The following TONSL variants were observed in gnomAD, a reference collection of about 807,000 sequenced individuals.
TONSL encodes the protein tonsoku like, DNA repair protein.
TONSL carries 112 observed loss-of-function variants against 147.1 expected under a neutral mutation model. That is an observed-to-expected ratio of 0.76 (90% CI 0.65 to 0.89). The LOEUF is 0.89. Among genes scored for constraint, TONSL ranks in the 40% least tolerant of loss-of-function variants. TONSL has a pLI of 0.00. For synonymous variants in TONSL, 868 were observed against 801.5 expected (o/e 1.08, Z -1.40); for missense variants, 1,883 against 1,864.6 (o/e 1.01, Z -0.18).
At chr8:144,440,237 AG>A (rs1425028682) in intron 10 of TONSL, 27 bp from the exon 11 acceptor site, 4 of 1,572,782 alleles carry the variant, frequency 2.5e-6, no homozygotes, top group Middle Eastern at 1.7e-4. Flanking sequence ...TGCTCAGCTC[AG>A]GACTGGGGGC....
At position 144,431,073 on chromosome 8, in the gene TONSL, G is replaced by GT. The variant is rs1289540193; in HGVS notation, c.3809+4dup. The GT allele has an allele frequency of 1.2e-6, 2 of 1,614,080 alleles. No homozygotes were observed. Among genetic ancestry groups the GT allele is most frequent in the Non-Finnish European group, 8.5e-7 (1 of 1,179,954 alleles). ...GGTCAGCAGGCAGCAGGGAAAGGGC[G>GT]TTACCTGCACAGGTCTCTAACAGCC... On this transcript the variant is annotated splice_donor_region_variant and intron_variant, in intron 24 of 25. Coordinates refer to ENST00000409379, the MANE Select transcript of TONSL (RefSeq NM_013432.5).
Position 144,433,569 on chromosome 8 carries a change from G to A in TONSL, c.3559+19C>T. 1 of 1,612,064 alleles carries A rather than the reference G, an allele frequency of 6.2e-7. No individual in the cohort carries two copies. Among genetic ancestry groups the A allele is most frequent in the Non-Finnish European group, 8.5e-7 (1 of 1,179,172 alleles). Reference sequence around the variant, plus strand: ...GCCCCAGGGCTAGGGAGTGGACAGGGAGTGCCTGGTCAGCTCACCTTGGAA... The same window carrying A: ...GCCCCAGGGCTAGGGAGTGGACAGGAAGTGCCTGGTCAGCTCACCTTGGAA... On this transcript the variant is annotated intron_variant, in intron 22 of 25. Coordinates refer to ENST00000409379, the MANE Select transcript of TONSL (RefSeq NM_013432.5).
rs988529484 is a variant in TONSL, at chr8:144,438,516, G to A, written c.1608C>T (p.Ala536=). ...CGCGGCGCAGCTGGCCCTCGATGCA[G>A]GCTCGGTGCAGCAGGGTCTCCCCCA... ...NDMGETLLHR[A]CIEGQLRRVQ... The change falls in exon 13 of 26, where the codon GCC becomes GCT. Residue 536 remains alanine (A), a synonymous_variant. Coordinates refer to ENST00000409379, the MANE Select transcript of TONSL (RefSeq NM_013432.5). 9 of 1,613,030 alleles carry A rather than the reference G, an allele frequency of 5.6e-6. No homozygotes were observed. In the Admixed American group the frequency reaches 1.5e-4, roughly 27 times the overall value.
rs2129706126 is a variant in TONSL, at chr8:144,444,259, T to G, written c.42A>C (p.Lys14Asn). Residue 14 changes from lysine to asparagine, a missense_variant, in exon 2 of 26, where the codon AAA (lysine) becomes AAC (asparagine). By Grantham distance (94) the Lys-to-Asn change is moderately conservative. Coordinates refer to ENST00000409379, the MANE Select transcript of TONSL (RefSeq NM_013432.5). ...ERELRQLSKA[K>N]AKAQRAGQRR... ...GCTGCCCGGCCCTCTGCGCCTTGGCTTTCGCCTTGCTCAGCTCTGTGGGAG... is the reference window on the plus strand; with the variant it reads ...GCTGCCCGGCCCTCTGCGCCTTGGCGTTCGCCTTGCTCAGCTCTGTGGGAG... 2.1e-6 allele frequency: 3 copies of G among 1,453,736 alleles called. No individual in the cohort carries two copies. The highest frequency in any genetic ancestry group is 1.8e-6 in the Non-Finnish European group (2 of 1,104,946). The allele number at this position is 1,453,736 out of a possible 1,614,324, so 90.1% of individuals were successfully genotyped here.
Position 144,429,212 on chromosome 8 carries a change from C to T in TONSL, c.4068G>A (p.Gln1356=). ...AEDRDALRQL[Q]PSRPGPGECT... The stretch of plus-strand genomic sequence containing the variant: ...ACTCGCCGGGGCCCGGCCGACTGGG[C>T]TGCAGCTGGCGCAGGGCGTCCCTGT... Residue 1356 remains glutamine (Q), a synonymous_variant, in exon 26 of 26, where the codon CAG becomes CAA. Transcript: ENST00000409379. 6 of 1,535,402 alleles carry T rather than the reference C, an allele frequency of 3.9e-6. No individual in the cohort carries two copies. The highest frequency in any genetic ancestry group is 5.2e-6 in the Non-Finnish European group (6 of 1,144,842).
intron 24 of TONSL, 25 bp downstream of exon 24, chr8:144,431,053 G>A (rs1655673179): frequency 1.2e-6 from 2 of 1,613,432 alleles, no homozygotes; most frequent in Admixed American, 3.3e-5. Flanking sequence ...CCCCAGGTCA[G>A]CAGGCAGCAG....
intron 7 of TONSL, chr8:144,441,482 C>A: frequency 4.6e-6 from 1 of 217,050 alleles, no homozygotes. Context: ...GTCCCAGCTA[C>A]TCGGGAGGCT....
chr8:144,435,617 C>A, intron 17 of TONSL, 41 bp downstream of exon 17: 2 of 1,577,864 alleles, frequency 1.3e-6, no homozygotes, highest in East Asian at 2.3e-5. Flanking sequence ...CCTGCCTGCC[C>A]GGAGTGGGGA....
At chr8:144,444,069 G>C (rs1160433025) in intron 2 of TONSL, 45 bp from the exon 3 acceptor site, 7 of 1,460,902 alleles carry the variant, frequency 4.8e-6, no homozygotes, top group Non-Finnish European at 6.3e-6. Context: ...GCGGGTGCGA[G>C]GGCGGCCCTG....
At chr8:144,443,071 G>A (rs1392437468) in intron 4 of TONSL, 67 bp downstream of exon 4, 2 of 1,499,970 alleles carry the variant, frequency 1.3e-6, no homozygotes, top group Non-Finnish European at 1.8e-6. Flanking sequence ...GAGGCTGCGG[G>A]GGTGCTGGGC....
At chr8:144,437,694 C>A (rs983370055) in intron 13 of TONSL, 1 of 154,672 alleles carries the variant, frequency 6.5e-6, no homozygotes, top group African/African-American at 2.4e-5. Context: ...ACCTCCGCCT[C>A]CCAGGTTCAA....
chr8:144,443,345 CTG>C, intron 3 of TONSL, 24 bp from the exon 4 acceptor site: 1 of 1,538,966 alleles, frequency 6.5e-7, no homozygotes, highest in East Asian at 2.5e-5. Context: ...GAAGTCACTG[CTG>C]TGAGCCGACT....
Position 144,440,101 on chromosome 8 carries a change from T to A in TONSL, c.1400A>T (p.Glu467Val). ...TGCCGCCTCCTCCGCCTCCTCCTCCTCATCTTCATCTTCAGCTACACTGAG... is the reference window on the plus strand; with the variant it reads ...TGCCGCCTCCTCCGCCTCCTCCTCCACATCTTCATCTTCAGCTACACTGAG... ...RELSVAEDED[E>V]EEEAEEAAAT... Residue 467 changes from glutamate to valine, a missense_variant, in exon 11 of 26, where the codon GAG (glutamate) becomes GTG (valine). Glu to Val is a moderately radical substitution (Grantham distance 121). Transcript: ENST00000409379. 1 of 1,610,844 alleles carries A rather than the reference T, an allele frequency of 6.2e-7. No homozygotes were observed. Among genetic ancestry groups the A allele is most frequent in the Non-Finnish European group, 8.5e-7 (1 of 1,178,692 alleles).
In TONSL at chr8:144,435,029, C is replaced by G; in HGVS notation, c.2994G>C (p.Gln998His). ...APQDLIPDVL[Q>H]SNDEVLAEVT... ...CTCTGCGGCTCACCTCGTCATTGCT[C>G]TGCAGCACATCAGGGATGAGGTCCT... The change falls in exon 19 of 26, where the codon CAG (glutamine) becomes CAC (histidine). Residue 998 changes from glutamine to histidine, a missense_variant. Gln to His is a conservative substitution (Grantham distance 24). Transcript: ENST00000409379. 3 of 1,612,554 alleles carry G rather than the reference C, an allele frequency of 1.9e-6. No individual in the cohort carries two copies. Among genetic ancestry groups the G allele is most frequent in the Non-Finnish European group, 1.7e-6 (2 of 1,179,746 alleles).
intron 23 of TONSL, among the ~76,000 whole-genome samples, chr8:144,431,675 G>T (rs1287501400): frequency 6.6e-6 from 1 of 151,904 alleles, no homozygotes; most frequent in Non-Finnish European, 1.5e-5. Flanking sequence ...ACCACGCCCG[G>T]CTAATTTTTT....
Position 144,429,062 on chromosome 8 carries a change from T to TACAG in TONSL, c.*77_*80dup. ...CCTGGGCCTCCCAAAGTGTTGGGAT[T>TACAG]ACAGGCGTGAGCCACCGCGCCCGGC... On this transcript the variant is annotated 3_prime_UTR_variant, in exon 26 of 26. Coordinates refer to ENST00000409379, the MANE Select transcript of TONSL (RefSeq NM_013432.5). The TACAG allele has an allele frequency of 7.1e-7, 1 of 1,416,740 alleles. No individual in the cohort carries two copies. Among genetic ancestry groups the TACAG allele is most frequent in the Non-Finnish European group, 9.3e-7 (1 of 1,080,256 alleles). 87.8% of individuals were successfully genotyped at this position (1,416,740 alleles called of 1,614,324 possible).
At chr8:144,444,061 G>T in intron 2 of TONSL, 37 bp from the exon 3 acceptor site, 1 of 1,475,180 alleles carries the variant, frequency 6.8e-7, no homozygotes, top group Non-Finnish European at 9.0e-7. Context: ...CAGGCGTCGC[G>T]GGTGCGAGGG....
chr8:144,440,289 G>A, intron 10 of TONSL, 62 bp downstream of exon 10: 1 of 1,560,552 alleles, frequency 6.4e-7, no homozygotes, highest in Non-Finnish European at 8.7e-7. Context: ...ACAAGGGGCA[G>A]GCAGGCTGCA....
rs140755692 is a variant in TONSL at position 144,442,415 on chromosome 8, G to A, written c.579-3C>T. ...GGTCCTCGTAAAGGTGGTTCTGCCT[G>A]CAGAGGGGTGACGACCACTGAGCAC... On this transcript the variant is annotated splice_region_variant and splice_polypyrimidine_tract_variant and intron_variant, in intron 5 of 25. Coordinates refer to ENST00000409379, the MANE Select transcript of TONSL (RefSeq NM_013432.5). 64 of 1,534,546 alleles carry A rather than the reference G, an allele frequency of 4.2e-5. No individual in the cohort carries two copies. In the African/African-American group the frequency reaches 8.5e-4, roughly 20 times the overall value.
Sources: allele counts gnomAD v4.1 joint callset (sites outside exome capture counted in the v4.1 genomes callset), GRCh38; gene constraint gnomAD v4.1.1; transcripts MANE v1.5; gene names NCBI Gene and HGNC (gene_info 2026-07-23, HGNC 2026-07-21).